GET4: variants seen among roughly 807,000 people sequenced by gnomAD.
GET4 encodes the protein Golgi to ER traffic protein 4 homolog.
A neutral mutation model predicts 40.0 loss-of-function variants in GET4; 20 were observed. The ratio of observed to expected loss-of-function variants is 0.50; its 90% CI spans 0.35 to 0.73. GET4 has a LOEUF of 0.73. Ranked by LOEUF, GET4 falls within the 30% of genes least tolerant of loss-of-function variation. GET4 has a pLI of 0.01. For synonymous variants in GET4, 280 were observed against 194.6 expected, an observed-to-expected ratio of 1.44 and a Z score of -3.65; for missense variants, 557 against 454.0, an observed-to-expected ratio of 1.23 and a Z score of -2.06.
chr7:889,800 C>T lies in GET4; in HGVS notation c.467-1128C>T, dbSNP rs1225792460. 2.6e-4 allele frequency among the ~76,000 whole-genome samples: 8 copies of T among 31,246 alleles called. 1 individual carries two copies. The highest frequency in any genetic ancestry group is 8.3e-4 in the East Asian group (1 of 1,200). 20.5% of individuals were successfully genotyped at this position (31,246 alleles called of 152,430 possible). A position where few individuals can be genotyped will look rare whatever the true frequency, so the allele number is the denominator to read the frequency against. On this transcript the variant is annotated intron_variant, in intron 4 of 8. Transcript: ENST00000265857. Reference sequence around the variant, plus strand: ...GGACGGGGCCTGGGAGTGGAGGGAGCGAGAGCGGGTGTTAGGACGGGGTCT... The same window carrying T: ...GGACGGGGCCTGGGAGTGGAGGGAGTGAGAGCGGGTGTTAGGACGGGGTCT...
rs547998555 is a variant in GET4 at position 886,793 on chromosome 7, C to T, written c.316+143C>T. Reference sequence around the variant, plus strand: ...ACTCTGCTGCAGAGGCAGTTCCCACCCGGTCTCAGTGAGCCAGGCCCCCTG... The same window carrying T: ...ACTCTGCTGCAGAGGCAGTTCCCACTCGGTCTCAGTGAGCCAGGCCCCCTG... On this transcript the variant is annotated intron_variant, in intron 3 of 8. Coordinates refer to ENST00000265857, the MANE Select transcript of GET4 (RefSeq NM_015949.3). The T allele has an allele frequency of 2.1e-4, 136 of 650,150 alleles. No individual in the cohort carries two copies. The South Asian group carries it at 2.3e-3, about 11-fold the overall frequency. 40.3% of individuals were successfully genotyped at this position (650,150 alleles called of 1,614,324 possible). A position where few individuals can be genotyped will look rare whatever the true frequency, so the allele number is the denominator to read the frequency against.
rs1389832040 is a variant in GET4, at chr7:876,625, C to T, written c.-21C>T. 3.3e-6 allele frequency: 4 copies of T among 1,224,724 alleles called. No individual in the cohort carries two copies. The highest frequency in any genetic ancestry group is 3.2e-5 in the African/African-American group (2 of 62,154). 75.9% of individuals were successfully genotyped at this position (1,224,724 alleles called of 1,614,324 possible). A position where few individuals can be genotyped will look rare whatever the true frequency, so the allele number is the denominator to read the frequency against. On this transcript the variant is annotated 5_prime_UTR_variant, in exon 1 of 9. Transcript: ENST00000265857. ...CGACCGCGCCTGCGACAGCGTCAGC[C>T]CTGCGCGGAGCGCCGGCCCGATGGC...
intron 8 of GET4, among the ~76,000 whole-genome samples, chr7:895,116 C>G (rs377421041): frequency 6.6e-6 from 1 of 151,902 alleles, no homozygotes; most frequent in African/African-American, 2.4e-5. Context: ...TGGAGTCCCC[C>G]GTGGCTGCTC....
At chr7:892,470 T>C in intron 6 of GET4, 52 bp downstream of exon 6, 1 of 1,567,520 alleles carries the variant, frequency 6.4e-7, no homozygotes, top group East Asian at 2.3e-5. Flanking sequence ...GCGGGTTGTG[T>C]GTAGACGTGG....
intron 3 of GET4, chr7:886,947 G>A: frequency 1.9e-6 from 1 of 528,394 alleles, no homozygotes; most frequent in South Asian, 2.0e-5. Flanking sequence ...TGGCAAGGTG[G>A]GGCACCACTT....
chr7:878,534 G>A (rs1037229639), intron 1 of GET4, among the ~76,000 whole-genome samples: 2 of 150,514 alleles, frequency 1.3e-5, no homozygotes, highest in Admixed American at 1.3e-4. Context: ...CCTTTATACA[G>A]TTTGGGCCTG....
At position 895,546 on chromosome 7, in the gene GET4, G is replaced by A. The variant is rs531447851; in HGVS notation, c.*124G>A. ...CTGAGGCTGGCGGTGGCCGCATGCC[G>A]GCGCGTGTCTGTTTCTGTGCGGCGG... On this transcript the variant is annotated 3_prime_UTR_variant, in exon 9 of 9. Coordinates refer to ENST00000265857, the MANE Select transcript of GET4 (RefSeq NM_015949.3). 1.7e-4 allele frequency: 95 copies of A among 543,620 alleles called. No individual in the cohort carries two copies. Among genetic ancestry groups the A allele is most frequent in the African/African-American group, 1.3e-3 (65 of 51,438 alleles). 33.7% of individuals were successfully genotyped at this position (543,620 alleles called of 1,614,324 possible).
At chr7:891,964 C>G (rs953540488) in intron 5 of GET4, among the ~76,000 whole-genome samples, 18 of 152,312 alleles carry the variant, frequency 1.2e-4, no homozygotes, top group East Asian at 9.7e-4. Context: ...CGGGCCAGCG[C>G]CTGACCGGTG....
chr7:896,106 AAG>A lies in GET4; in HGVS notation c.*685_*686del, dbSNP rs1366369005. ...GCTGTGCTGGAAATGCCGCTTTAAA[AAG>A]GGATACCGTGGGACTCTGCCCGTCT... On this transcript the variant is annotated 3_prime_UTR_variant, in exon 9 of 9. Coordinates refer to ENST00000265857, the MANE Select transcript of GET4 (RefSeq NM_015949.3). 1.3e-5 allele frequency: 2 copies of A among 152,210 alleles called. No homozygotes were observed. The highest frequency in any genetic ancestry group is 2.4e-5 in the African/African-American group (1 of 41,458). 9.4% of individuals were successfully genotyped at this position (152,210 alleles called of 1,614,324 possible).
At chr7:878,337 A>T in intron 1 of GET4, 1 of 471,132 alleles carries the variant, frequency 2.1e-6, no homozygotes. Flanking sequence ...TGTGTGTGGC[A>T]TTCTGTAAAT....
intron 1 of GET4, chr7:880,325 G>A (rs539317319): frequency 6.6e-6 from 1 of 152,366 alleles, no homozygotes; most frequent in African/African-American, 2.4e-5. Flanking sequence ...TGGGCGATGA[G>A]AGAAACTCTG....
intron 8 of GET4, among the ~76,000 whole-genome samples, 162 bp from the exon 9 acceptor site, chr7:895,170 AGT>A (rs1315093308): frequency 4.0e-5 from 6 of 150,638 alleles, no homozygotes; most frequent in Non-Finnish European, 7.4e-5. Context: ...TGGCCTCCAG[AGT>A]GTCCTGTCCC....
intron 6 of GET4, among the ~76,000 whole-genome samples, chr7:893,027 A>T (rs1421009891): frequency 2.3e-5 from 2 of 87,274 alleles, no homozygotes; most frequent in Non-Finnish European, 4.6e-5. Flanking sequence ...TGAGGGGTGT[A>T]GGCGTGTGTG....
chr7:894,995 G>A (rs910053920), intron 8 of GET4, among the ~76,000 whole-genome samples: 14 of 151,814 alleles, frequency 9.2e-5, no homozygotes, highest in African/African-American at 2.9e-4. Context: ...GTGAGGTGGT[G>A]TTGGTTCTGT....
intron 1 of GET4, chr7:885,824 AT>A: frequency 1.9e-6 from 1 of 537,432 alleles, no homozygotes; most frequent in Non-Finnish European, 3.3e-6. Flanking sequence ...CTCCTGGTGT[AT>A]TTGGACACAG....
chr7:894,005 G>A (rs757243939), intron 8 of GET4, 34 bp downstream of exon 8: 2 of 1,465,356 alleles, frequency 1.4e-6, no homozygotes, highest in East Asian at 4.7e-5. Context: ...ACCCACTCCA[G>A]CCCTGGGTCG....
chr7:885,946 A>T (rs2128627747), intron 1 of GET4, 110 bp from the exon 2 acceptor site: 1 of 736,820 alleles, frequency 1.4e-6, no homozygotes, highest in Non-Finnish European at 2.4e-6. Context: ...TGCTTTTAGG[A>T]TGCCACCTGT....
chr7:893,710 C>T, intron 6 of GET4, 30 bp from the exon 7 acceptor site: 2 of 1,490,344 alleles, frequency 1.3e-6, no homozygotes, highest in Non-Finnish European at 1.9e-6. Context: ...TTCTGCTCAC[C>T]CAGCACATCC....
At position 887,469 on chromosome 7, in the gene GET4, A is replaced by T; in HGVS notation, c.416A>T (p.Lys139Met). 6.3e-7 allele frequency: 1 copy of T among 1,590,106 alleles called. No individual in the cohort carries two copies. Among genetic ancestry groups the T allele is most frequent in the Non-Finnish European group, 8.6e-7 (1 of 1,166,218 alleles). The change falls in exon 4 of 9, where the codon AAG becomes ATG. Residue 139 changes from lysine (K) to methionine (M), a missense_variant. By Grantham distance (95) the Lys-to-Met change is moderately conservative. Transcript: ENST00000265857. ...ALKWSSGGSG[K>M]LGHPRLHQLL... is the part of the protein sequence containing the mutation. ...AAGTGGTCCAGTGGGGGCTCCGGGA[A>T]GCTGGGCCACCCCCGGCTGCACCAG...
Sources: allele counts gnomAD v4.1 joint callset (sites outside exome capture counted in the v4.1 genomes callset), GRCh38; gene constraint gnomAD v4.1.1; transcripts MANE v1.5; gene names NCBI Gene and HGNC (gene_info 2026-07-23, HGNC 2026-07-21).